The following TMEM59L variants were observed in gnomAD, a reference collection of about 807,000 sequenced individuals.
TMEM59L encodes transmembrane protein 59 like.
A neutral mutation model predicts 39.6 loss-of-function variants in TMEM59L; 31 were observed. That is an observed-to-expected ratio of 0.78 (90% confidence interval 0.59 to 1.06). TMEM59L has a LOEUF of 1.06. TMEM59L is among the 50% of genes least tolerant of loss of function. The pLI, the probability that TMEM59L is intolerant of heterozygous loss-of-function variation, is 0.00. For synonymous variants in TMEM59L, 219 were observed against 202.9 expected, an observed-to-expected ratio of 1.08 and a Z score of -0.68; for missense variants, 441 against 451.3, an observed-to-expected ratio of 0.98 and a Z score of 0.21.
At chr19:18,615,521 G>A (rs1251220343) in intron 3 of TMEM59L, among the ~76,000 whole-genome samples, 1 of 152,198 alleles carries the variant, frequency 6.6e-6, no homozygotes, top group Non-Finnish European at 1.5e-5. Context: ...TGAGATCTGT[G>A]TTCACTATAA....
At chr19:18,618,635 A>G (rs1462389142) in intron 7 of TMEM59L, 143 bp downstream of exon 7, 3 of 578,072 alleles carry the variant, frequency 5.2e-6, no homozygotes, top group Non-Finnish European at 9.1e-6. Flanking sequence ...ATATACATAT[A>G]TATACATATA....
At chr19:18,616,387 T>TTGTTGTTG (rs1555763013) in intron 4 of TMEM59L, among the ~76,000 whole-genome samples, 68,745 of 151,394 alleles carry the variant, frequency 0.45, 15,707 homozygotes, top group East Asian at 0.62. Context: ...GTGGTTTTTT[T>TTGTTGTTG]TTGTTGTTGT....
chr19:18,613,276 C>CCCCAT, intron 1 of TMEM59L, 147 bp downstream of exon 1: 1 of 889,264 alleles, frequency 1.1e-6, no homozygotes. Flanking sequence ...GGGGAGATCT[C>CCCCAT]TCCAGTAGTT....
intron 4 of TMEM59L, among the ~76,000 whole-genome samples, chr19:18,616,381 T>G (rs945101078): frequency 6.7e-5 from 6 of 90,044 alleles, no homozygotes; most frequent in South Asian, 3.4e-4. Flanking sequence ...AACGCTGTGG[T>G]TTTTTTTTGT....
rs1358038191 is a variant in TMEM59L at position 18,618,234 on chromosome 19, AG to A, written c.745del (p.Glu249SerfsTer32). 1 of 1,505,066 alleles carries A rather than the reference AG, an allele frequency of 6.6e-7. No individual in the cohort carries two copies. Among genetic ancestry groups the A allele is most frequent in the East Asian group, 2.9e-5 (1 of 35,040 alleles). 93.2% of individuals were successfully genotyped at this position (1,505,066 alleles called of 1,614,324 possible). On this transcript the variant is annotated frameshift_variant, in exon 6 of 8. Transcript: ENST00000262817. LOFTEE classifies it high-confidence loss of function. ...TSSKAKVESEEPQDNDFLSCM... is the reference protein window; with the variant it reads ...TSSKAKVESEXPQDNDFLSCM... ...GCAGCAAGGCCAAGGTGGAGTCTGA[AG>A]AGCCACAGGACAATGACTTCCTCAG... is the stretch of plus-strand genomic sequence containing the variant.
chr19:18,615,850 G>A (rs768086039), intron 3 of TMEM59L, 125 bp from the exon 4 acceptor site: 25 of 1,222,398 alleles, frequency 2.0e-5, no homozygotes, highest in East Asian at 9.8e-5. Context: ...TCAAGTGATC[G>A]GCCTGCCTCA....
chr19:18,618,866 T>C (rs1018501508), intron 7 of TMEM59L, among the ~76,000 whole-genome samples: 9 of 151,594 alleles, frequency 5.9e-5, no homozygotes, highest in African/African-American at 1.9e-4. Context: ...AGCTAATTTT[T>C]GTATTTTTAG....
In TMEM59L at chr19:18,620,392, C is replaced by T; in HGVS notation, c.901-16C>T. ...TCCCCGTCCCTCCACTTCCCTCCTC[C>T]CCTCTCTTCCTGCAGCCTCTGACCC... On this transcript the variant is annotated splice_polypyrimidine_tract_variant and intron_variant, in intron 7 of 7. Coordinates refer to ENST00000262817, the MANE Select transcript of TMEM59L (RefSeq NM_012109.3). The T allele has an allele frequency of 6.2e-7, 1 of 1,600,680 alleles. No homozygotes were observed. Among genetic ancestry groups the T allele is most frequent in the South Asian group, 1.1e-5 (1 of 90,508 alleles).
chr19:18,615,855 G>T (rs1377604952), intron 3 of TMEM59L, 120 bp from the exon 4 acceptor site: 37 of 1,288,598 alleles, frequency 2.9e-5, no homozygotes, highest in Admixed American at 1.7e-4. Context: ...TGATCGGCCT[G>T]CCTCAGCCTT....
intron 7 of TMEM59L, among the ~76,000 whole-genome samples, chr19:18,619,677 G>A (rs1037240000): frequency 6.2e-4 from 94 of 151,558 alleles, no homozygotes; most frequent in Middle Eastern, 3.4e-3. Flanking sequence ...GGTGGCAGGT[G>A]CCTGTAGTCC....
At chr19:18,618,895 A>T (rs998784815) in intron 7 of TMEM59L, among the ~76,000 whole-genome samples, 2 of 151,324 alleles carry the variant, frequency 1.3e-5, no homozygotes, top group African/African-American at 2.4e-5. Context: ...GTGTTTCACC[A>T]TGTTGGCCAG....
intron 1 of TMEM59L, 110 bp from the exon 2 acceptor site, chr19:18,613,762 T>C (rs2082165529): frequency 3.7e-6 from 3 of 804,570 alleles, no homozygotes; most frequent in East Asian, 2.5e-5. Flanking sequence ...TCTGGCTAGA[T>C]GTCGTGGGGA....
chr19:18,614,012 A>G lies in TMEM59L; in HGVS notation c.312A>G (p.Glu104=), dbSNP rs755105274. The change falls in exon 2 of 8, where the codon GAA becomes GAG. Residue 104 remains glutamate (E), a synonymous_variant. Transcript: ENST00000262817. ...CCAATGCCACCCAAACTGAGTGTGA[A>G]GCAGGTGAGGGCCCGCCGGCAGGGT... The part of the protein sequence containing the change: ...SKPNATQTEC[E]AACVEAYVKE... The G allele has an allele frequency of 6.2e-7, 1 of 1,613,214 alleles. No homozygotes were observed. Among genetic ancestry groups the G allele is most frequent in the Admixed American group, 1.7e-5 (1 of 60,000 alleles).
chr19:18,613,382 G>A (rs1259187648), intron 1 of TMEM59L, among the ~76,000 whole-genome samples: 2 of 152,020 alleles, frequency 1.3e-5, no homozygotes, highest in Admixed American at 1.3e-4. Context: ...TCCGCACTCT[G>A]CTGGGTAAGG....
At chr19:18,619,373 C>T (rs943157995) in intron 7 of TMEM59L, among the ~76,000 whole-genome samples, 5 of 152,276 alleles carry the variant, frequency 3.3e-5, no homozygotes, top group East Asian at 3.9e-4. Flanking sequence ...TTAGTTGGGG[C>T]GACATGAAGT....
chr19:18,618,353 T>C, intron 6 of TMEM59L, 22 bp from the exon 7 acceptor site: 3 of 1,608,610 alleles, frequency 1.9e-6, no homozygotes, highest in Non-Finnish European at 2.5e-6. Context: ...GGCAGCTGAG[T>C]GGTGCCTGCC....
At chr19:18,614,253 C>T in intron 3 of TMEM59L, 58 bp downstream of exon 3, 2 of 1,517,858 alleles carry the variant, frequency 1.3e-6, no homozygotes, top group Middle Eastern at 1.7e-4. Context: ...CCTCTTCACC[C>T]CGTGGGAAAT....
chr19:18,616,189 G>A, intron 4 of TMEM59L, 62 bp downstream of exon 4: 1 of 1,596,380 alleles, frequency 6.3e-7, no homozygotes, highest in Admixed American at 1.7e-5. Flanking sequence ...AAGAAGATGG[G>A]ATGCATTGGC....
In TMEM59L at chr19:18,618,171, G is replaced by A. The variant is rs2145350651; in HGVS notation, c.681G>A (p.Leu227=). The A allele has an allele frequency of 6.2e-7, 1 of 1,613,844 alleles. No individual in the cohort carries two copies. The highest frequency in any genetic ancestry group is 2.2e-5 in the East Asian group (1 of 44,874). Residue 227 remains leucine (L), a synonymous_variant, in exon 6 of 8, where the codon CTG becomes CTA. Transcript: ENST00000262817. ...LEVHVDPVGP[L]DKVRKAKIRV... The stretch of plus-strand genomic sequence containing the variant: ...ATCTCTCAGACCCTGTAGGCCCCCT[G>A]GACAAGGTGAGGAAGGCCAAGATCC...
Sources: allele counts gnomAD v4.1 joint callset (sites outside exome capture counted in the v4.1 genomes callset), GRCh38; gene constraint gnomAD v4.1.1; transcripts MANE v1.5; gene names NCBI Gene and HGNC (gene_info 2026-07-23, HGNC 2026-07-21).